The following PRMT8 variants were observed in gnomAD, a reference collection of about 807,000 sequenced individuals.
The protein encoded by PRMT8 is protein arginine methyltransferase 8, also known as protein arginine N-methyltransferase 8.
A neutral mutation model predicts 47.1 loss-of-function variants in PRMT8; 7 were observed. The observed-to-expected ratio is 0.15, with a 90% confidence interval of 0.08 to 0.28. PRMT8 has a LOEUF of 0.28. Among genes scored for constraint, PRMT8 ranks in the 10% least tolerant of loss-of-function variants. PRMT8 has a pLI of 1.00. For synonymous variants in PRMT8, 188 were observed against 186.5 expected (o/e 1.01, Z -0.07); for missense variants, 237 against 505.4 (o/e 0.47, Z 5.09).
intron 8 of PRMT8, among the ~76,000 whole-genome samples, chr12:3,589,548 T>G (rs1046653888): frequency 7.9e-5 from 12 of 152,168 alleles, no homozygotes; most frequent in Admixed American, 6.5e-5. Flanking sequence ...CCCCCAGAAT[T>G]ACTGACTTCA....
chr12:3,435,037 C>T (rs941835336), intron 1 of PRMT8, among the ~76,000 whole-genome samples: 4 of 148,832 alleles, frequency 2.7e-5, no homozygotes, highest in Non-Finnish European at 4.4e-5. Flanking sequence ...GGCGCGATCT[C>T]GGCTCATTTC....
At chr12:3,444,617 G>T (rs1352373986) in intron 1 of PRMT8, among the ~76,000 whole-genome samples, 1 of 152,248 alleles carries the variant, frequency 6.6e-6, no homozygotes, top group East Asian at 1.9e-4. Context: ...GACAGGTGAA[G>T]GGAAAGGCAT....
chr12:3,437,859 TAC>T (rs1388881373), intron 1 of PRMT8, among the ~76,000 whole-genome samples: 1 of 152,126 alleles, frequency 6.6e-6, no homozygotes, highest in Non-Finnish European at 1.5e-5. Flanking sequence ...TGAGGTGATG[TAC>T]AGTGTGTGCT....
intron 1 of PRMT8, among the ~76,000 whole-genome samples, chr12:3,413,329 T>C (rs191622829): frequency 6.6e-6 from 1 of 152,356 alleles, no homozygotes; most frequent in East Asian, 1.9e-4. Flanking sequence ...TTTTCTGCCA[T>C]GATGGTGAGG....
intron 1 of PRMT8, among the ~76,000 whole-genome samples, chr12:3,519,020 G>T (rs1865837113): frequency 6.6e-6 from 1 of 152,186 alleles, no homozygotes; most frequent in Non-Finnish European, 1.5e-5. Context: ...TGACCCTGAA[G>T]GCAGGGGAGA....
intron 4 of PRMT8, among the ~76,000 whole-genome samples, chr12:3,561,213 A>G (rs554019795): frequency 2.6e-5 from 4 of 152,246 alleles, no homozygotes; most frequent in African/African-American, 9.6e-5. Context: ...GGGTCGTGCT[A>G]AGAATTAAAC....
chr12:3,443,067 ACTTT>A (rs1385392000), intron 1 of PRMT8, among the ~76,000 whole-genome samples: 1 of 152,116 alleles, frequency 6.6e-6, no homozygotes, highest in Non-Finnish European at 1.5e-5. Context: ...AAATGGAGGG[ACTTT>A]CTTTCTGGAA....
At position 3,439,538 on chromosome 12, in the gene PRMT8, T is replaced by G. The variant is rs148878616; in HGVS notation, c.48+58096T>G. On this transcript the variant is annotated intron_variant, in intron 1 of 9. Coordinates refer to the PRMT8 transcript ENST00000452611. ...ACCTCACCCTCTCCCTTTCTCAGCT[T>G]ACATCCCAGTGACTTTCCTGATGGA... Among the ~76,000 whole-genome samples, 12 of 152,346 alleles carry G rather than the reference T, an allele frequency of 7.9e-5. No individual in the cohort carries two copies. The East Asian group carries it at 2.3e-3, about 29-fold the overall frequency.
At chr12:3,517,247 G>A (rs528732549) in intron 1 of PRMT8, among the ~76,000 whole-genome samples, 46 of 152,064 alleles carry the variant, frequency 3.0e-4, no homozygotes, top group African/African-American at 4.3e-4. Flanking sequence ...GCTGTTCTCC[G>A]GGTCTCTGAG....
intron 2 of PRMT8, among the ~76,000 whole-genome samples, chr12:3,544,335 C>T (rs1402586311): frequency 1.3e-5 from 2 of 152,216 alleles, no homozygotes; most frequent in Admixed American, 6.5e-5. Context: ...AACCTAACTC[C>T]TGGGGCCTGG....
At chr12:3,465,289 A>G (rs958691281) in intron 1 of PRMT8, among the ~76,000 whole-genome samples, 12 of 115,160 alleles carry the variant, frequency 1.0e-4, no homozygotes, top group African/African-American at 3.1e-4. Flanking sequence ...AAAATATATA[A>G]TATATAATAA....
chr12:3,404,969 A>C (rs1864357744), intron 1 of PRMT8, among the ~76,000 whole-genome samples: 1 of 152,120 alleles, frequency 6.6e-6, no homozygotes, highest in African/African-American at 2.4e-5. Flanking sequence ...AGCAGTTTTC[A>C]TTTGGTTAGC....
intron 4 of PRMT8, among the ~76,000 whole-genome samples, chr12:3,560,567 T>G (rs967041416): frequency 6.6e-6 from 1 of 152,230 alleles, no homozygotes; most frequent in Non-Finnish European, 1.5e-5. Context: ...TAGATTCATT[T>G]GTGAAGGTTG....
rs1164749261 is a variant in PRMT8, at chr12:3,535,988, C to T, written c.76-4618C>T. 6.6e-6 allele frequency among the ~76,000 whole-genome samples: 1 copy of T among 152,186 alleles called. No individual in the cohort carries two copies. Among genetic ancestry groups the T allele is most frequent in the Admixed American group, 6.5e-5 (1 of 15,290 alleles). Reference sequence around the variant, plus strand: ...CATCCCCCAAGACCTATCCCCTGTGCTCCTCAAGTCTCAAGAGCCTTCAGT... The same window carrying T: ...CATCCCCCAAGACCTATCCCCTGTGTTCCTCAAGTCTCAAGAGCCTTCAGT... On this transcript the variant is annotated intron_variant, in intron 1 of 9. Coordinates refer to ENST00000382622, the MANE Select transcript of PRMT8 (RefSeq NM_019854.5). This position sits in a 1 kb window ranked among gnomAD's most constrained non-coding sequence, Gnocchi z 4.7.
intron 7 of PRMT8, 136 bp from the exon 8 acceptor site, chr12:3,582,922 G>A: frequency 9.3e-7 from 1 of 1,075,580 alleles, no homozygotes; most frequent in East Asian, 2.6e-5. Flanking sequence ...GGGGAGCCTG[G>A]GAAATCACCC....
intron 1 of PRMT8, among the ~76,000 whole-genome samples, chr12:3,515,798 C>T (rs1865783095): frequency 6.6e-6 from 1 of 152,246 alleles, no homozygotes; most frequent in Non-Finnish European, 1.5e-5. Context: ...GCTGCCTTGA[C>T]ACCCATGCAT....
At chr12:3,466,303 G>A (rs1006999849) in intron 1 of PRMT8, among the ~76,000 whole-genome samples, 6 of 152,116 alleles carry the variant, frequency 3.9e-5, no homozygotes, top group Non-Finnish European at 7.4e-5. Context: ...TGGTGTGGCC[G>A]GTCTGATGAT....
intron 1 of PRMT8, among the ~76,000 whole-genome samples, chr12:3,429,452 C>G (rs1237099295): frequency 1.3e-5 from 2 of 152,158 alleles, no homozygotes; most frequent in Non-Finnish European, 2.9e-5. Context: ...AAACACCATG[C>G]TAACACCACA....
chr12:3,417,962 G>A (rs1331523309), intron 1 of PRMT8, among the ~76,000 whole-genome samples: 1 of 152,126 alleles, frequency 6.6e-6, no homozygotes, highest in African/African-American at 2.4e-5. Flanking sequence ...TAACCTCTTT[G>A]TACTTGCATT....
Sources: gnomAD v4.1 joint callset for allele counts (sites outside exome capture counted in the v4.1 genomes callset) on GRCh38, gnomAD v4.1.1 for gene constraint, Gnocchi (gnomAD v3.1) non-coding constraint, MANE v1.5 for transcripts, NCBI Gene and HGNC (gene_info 2026-07-23, HGNC 2026-07-21) for gene names.